Variants in PTGFRN observed in about 807,000 individuals in gnomAD.
PTGFRN encodes prostaglandin F2 receptor inhibitor.
Under a neutral mutation model 83.2 loss-of-function variants are expected in PTGFRN, and 35 were observed. That is an observed-to-expected ratio of 0.42 (90% CI 0.32 to 0.56). The LOEUF (loss-of-function observed/expected upper bound fraction) is 0.56. PTGFRN is among the 20% of genes least tolerant of loss of function. PTGFRN has a pLI of 0.11. For missense variants in PTGFRN, 1,051 were observed against 1,179.5 expected (o/e 0.89, Z 1.60); for synonymous variants, 519 against 498.6 (o/e 1.04, Z -0.55).
Position 116,941,133 on chromosome 1 carries a change from C to G in PTGFRN, c.50-582C>G, listed in dbSNP as rs1413770892. ...AACAAAGAGTAGAGAAGGAAATGAG[C>G]CAGAAAATAGAAAATTAATACTTGG... is the stretch of plus-strand genomic sequence containing the variant. On this transcript the variant is annotated intron_variant, in intron 1 of 8. Coordinates refer to ENST00000393203, the MANE Select transcript of PTGFRN (RefSeq NM_020440.4). The surrounding 1 kb of genome is among the most constrained non-coding windows in gnomAD (Gnocchi z 5.0). 6.6e-6 allele frequency among the ~76,000 whole-genome samples: 1 copy of G among 152,092 alleles called. No individual in the cohort carries two copies. Among genetic ancestry groups the G allele is most frequent in the Non-Finnish European group, 1.5e-5 (1 of 68,006 alleles).
chr1:116,920,016 G>A (rs1338882929), intron 1 of PTGFRN, among the ~76,000 whole-genome samples: 1 of 152,198 alleles, frequency 6.6e-6, no homozygotes, highest in Non-Finnish European at 1.5e-5. Context: ...CCTGCTGTTG[G>A]CCATGTGGCC....
rs563370109 is a variant in PTGFRN at position 116,961,096 on chromosome 1, T to C, written c.1214-147T>C. On this transcript the variant is annotated intron_variant, in intron 4 of 8. Transcript: ENST00000393203. This position sits in a 1 kb window ranked among gnomAD's most constrained non-coding sequence, Gnocchi z 5.4. ...AACACTGTTCTAGGATCCTATCCAA[T>C]GCAACGACTGATTTCTGTCTCTCTA... 9.1e-5 allele frequency: 81 copies of C among 887,988 alleles called. No homozygotes were observed. In the African/African-American group the frequency reaches 1.2e-3, roughly 13 times the overall value. The allele number at this position is 887,988 out of a possible 1,614,324, so 55.0% of individuals were successfully genotyped here. A position where few individuals can be genotyped will look rare whatever the true frequency, so the allele number is the denominator to read the frequency against.
intron 1 of PTGFRN, among the ~76,000 whole-genome samples, chr1:116,913,234 G>A (rs919001865): frequency 2.0e-5 from 3 of 152,214 alleles, no homozygotes; most frequent in Non-Finnish European, 4.4e-5. Flanking sequence ...GGGGGTTGGG[G>A]CTGGTTTTGC....
At chr1:116,965,043 C>G (rs4131407) in intron 5 of PTGFRN, among the ~76,000 whole-genome samples, 23,423 of 152,196 alleles carry the variant, frequency 0.15, 2,134 homozygotes, top group Middle Eastern at 0.24. Flanking sequence ...CCAGAGTCCT[C>G]TAAGTGGTCT....
At chr1:116,947,623 G>C (rs1293081817) in intron 3 of PTGFRN, among the ~76,000 whole-genome samples, 1 of 152,172 alleles carries the variant, frequency 6.6e-6, no homozygotes, top group Non-Finnish European at 1.5e-5. Context: ...GTCCACAGCT[G>C]CTTGTTAAGT....
At chr1:116,910,677 C>T (rs1649246770) in intron 1 of PTGFRN, among the ~76,000 whole-genome samples, 1 of 151,958 alleles carries the variant, frequency 6.6e-6, no homozygotes, top group Non-Finnish European at 1.5e-5. Flanking sequence ...CCCGCCATAG[C>T]CGCCGCCGGC....
At chr1:116,949,677 A>G (rs1650290745) in intron 4 of PTGFRN, 105 bp downstream of exon 4, 4 of 1,432,382 alleles carry the variant, frequency 2.8e-6, no homozygotes, top group South Asian at 1.4e-5. Context: ...TGACTTCGAC[A>G]TTATTTCTAT....
intron 1 of PTGFRN, among the ~76,000 whole-genome samples, chr1:116,938,661 C>G (rs1227477769): frequency 6.6e-6 from 1 of 152,180 alleles, no homozygotes; most frequent in Non-Finnish European, 1.5e-5. Flanking sequence ...CCTCCCAAAT[C>G]TCATGTCCTC....
chr1:116,940,812 A>G (rs937755083), intron 1 of PTGFRN, among the ~76,000 whole-genome samples: 2 of 152,226 alleles, frequency 1.3e-5, no homozygotes, highest in Non-Finnish European at 2.9e-5. Flanking sequence ...CAAAGGAGCT[A>G]TATGTGTTTA....
rs1305472366 is a variant in PTGFRN at position 116,986,989 on chromosome 1, C to CA, written c.*23dup. 2.5e-6 allele frequency: 4 copies of CA among 1,613,696 alleles called. No individual in the cohort carries two copies. The highest frequency in any genetic ancestry group is 3.4e-6 in the Non-Finnish European group (4 of 1,179,866). On this transcript the variant is annotated 3_prime_UTR_variant, in exon 9 of 9. Transcript: ENST00000393203. ...CTAGGCTGGCCCGGGAGGGGAGTGA[C>CA]AGAGGGACGTTCTAGGAGCAATTGG...
At chr1:116,965,527 C>T (rs1183670296) in intron 5 of PTGFRN, among the ~76,000 whole-genome samples, 1 of 152,108 alleles carries the variant, frequency 6.6e-6, no homozygotes, top group Admixed American at 6.5e-5. Flanking sequence ...TCATGCAATC[C>T]TCTCGCCTCA....
Position 116,944,926 on chromosome 1 carries a change from C to A in PTGFRN, c.666C>A (p.Leu222=). 2 of 1,612,890 alleles carry A rather than the reference C, an allele frequency of 1.2e-6. No homozygotes were observed. Among genetic ancestry groups the A allele is most frequent in the Non-Finnish European group, 8.5e-7 (1 of 1,180,000 alleles). The change falls in exon 3 of 9, where the codon CTC becomes CTA. Residue 222 remains leucine, a synonymous_variant. Coordinates refer to ENST00000393203, the MANE Select transcript of PTGFRN (RefSeq NM_020440.4). Reference sequence around the variant, plus strand: ...GCTACCACAGTGGGGACGTGCGCCTCGACACCGTGGGCAGCGACGCCTACC... The same window carrying A: ...GCTACCACAGTGGGGACGTGCGCCTAGACACCGTGGGCAGCGACGCCTACC... ...EQRYHSGDVR[L]DTVGSDAYRL...
intron 1 of PTGFRN, among the ~76,000 whole-genome samples, chr1:116,931,949 A>G (rs1190703889): frequency 6.6e-6 from 1 of 152,186 alleles, no homozygotes; most frequent in Non-Finnish European, 1.5e-5. Flanking sequence ...TCAGCATTTC[A>G]ACTCACCTGT....
Position 116,961,390 on chromosome 1 carries a change from G to T in PTGFRN, c.1361G>T (p.Arg454Leu), listed in dbSNP as rs915402829. ...TCGTGGTACTACAGGATGAACCGGCGCAGCGACAATGTGGTGACCAGCGAG... is the reference window on the plus strand; with the variant it reads ...TCGTGGTACTACAGGATGAACCGGCTCAGCGACAATGTGGTGACCAGCGAG... ...TVSWYYRMNR[R>L]SDNVVTSELL... Residue 454 changes from arginine (R) to leucine (L), a missense_variant, in exon 5 of 9, where the codon CGC becomes CTC. This residue lies in a region of PTGFRN where 719 missense variants were observed against 836.6 expected (regional missense o/e 0.86). Transcript: ENST00000393203. This position sits in a 1 kb window ranked among gnomAD's most constrained non-coding sequence, Gnocchi z 5.4. 6.2e-7 allele frequency: 1 copy of T among 1,612,762 alleles called. No homozygotes were observed. Among genetic ancestry groups the T allele is most frequent in the Non-Finnish European group, 8.5e-7 (1 of 1,179,018 alleles).
At chr1:116,969,385 A>AC (rs1227207760) in intron 6 of PTGFRN, among the ~76,000 whole-genome samples, 1 of 152,068 alleles carries the variant, frequency 6.6e-6, no homozygotes, top group African/African-American at 2.4e-5. Flanking sequence ...TTGTTTTGGC[A>AC]CCCCTGTCAA....
chr1:116,983,182 G>C (rs1004256204), intron 7 of PTGFRN, among the ~76,000 whole-genome samples: 1 of 152,168 alleles, frequency 6.6e-6, no homozygotes, highest in African/African-American at 2.4e-5. Flanking sequence ...GTGAACTTGG[G>C]GAACTCGCCC....
At position 116,984,668 on chromosome 1, in the gene PTGFRN, G is replaced by T; in HGVS notation, c.2168-12G>T. ...TGCACTGACCCCAGGGTTTTGGCTTGGTAATCCGTAGATGACATGGCCTTT... is the reference window on the plus strand; with the variant it reads ...TGCACTGACCCCAGGGTTTTGGCTTTGTAATCCGTAGATGACATGGCCTTT... On this transcript the variant is annotated splice_polypyrimidine_tract_variant and intron_variant, in intron 7 of 8. Transcript: ENST00000393203. The T allele has an allele frequency of 6.2e-7, 1 of 1,610,138 alleles. No homozygotes were observed. The highest frequency in any genetic ancestry group is 1.1e-5 in the South Asian group (1 of 90,450).
intron 5 of PTGFRN, among the ~76,000 whole-genome samples, chr1:116,966,125 A>T (rs1650822740): frequency 6.6e-6 from 1 of 152,272 alleles, no homozygotes; most frequent in Admixed American, 6.5e-5. Context: ...CACTCAACAA[A>T]TATTTAAGCA....
chr1:116,977,895 G>A (rs556711865), intron 7 of PTGFRN, among the ~76,000 whole-genome samples: 88 of 152,244 alleles, frequency 5.8e-4, no homozygotes, highest in Non-Finnish European at 1.1e-3. Context: ...AGGAGATAGA[G>A]ACACAAAAAA....
Sources: allele counts gnomAD v4.1 joint callset (sites outside exome capture counted in the v4.1 genomes callset), GRCh38; gene constraint gnomAD v4.1.1; regional missense constraint gnomAD v4.1.1; non-coding constraint Gnocchi (gnomAD v3.1); transcripts MANE v1.5; gene names NCBI Gene and HGNC (gene_info 2026-07-23, HGNC 2026-07-21).